Variants in RNPEP observed in about 807,000 individuals in gnomAD.
RNPEP encodes the protein aminopeptidase B.
A neutral mutation model predicts 70.1 loss-of-function variants in RNPEP; 57 were observed. The ratio of observed to expected loss-of-function variants is 0.81; its 90% CI spans 0.66 to 1.01. RNPEP has a LOEUF of 1.01. RNPEP is among the 50% of genes least tolerant of loss of function. The probability of loss-of-function intolerance (pLI) is 0.00; values close to 1 mark genes in which losing one functional copy is unlikely to be tolerated. For missense variants in RNPEP, 787 were observed against 852.4 expected (o/e 0.92, Z 0.96); for synonymous variants, 335 against 357.4 (o/e 0.94, Z 0.71).
At chr1:201,993,578 C>T (rs1683420695) in intron 3 of RNPEP, among the ~76,000 whole-genome samples, 1 of 144,134 alleles carries the variant, frequency 6.9e-6, no homozygotes, top group Non-Finnish European at 1.5e-5. Flanking sequence ...GCCTGGGTGA[C>T]AAAGTGAGAC....
At position 201,999,900 on chromosome 1, in the gene RNPEP, AG is replaced by A. The variant is rs767007606; in HGVS notation, c.1091del. 6.2e-7 allele frequency: 1 copy of A among 1,612,302 alleles called. No individual in the cohort carries two copies. The highest frequency in any genetic ancestry group is 1.1e-5 in the South Asian group (1 of 90,712). On this transcript the variant is annotated splice_acceptor_variant, in intron 5 of 10. Coordinates refer to ENST00000295640, the MANE Select transcript of RNPEP (RefSeq NM_020216.4). LOFTEE classifies it high-confidence loss of function. ...CGAGGCTTACGTTTGATTCTGCACC[AG>A]GCGCTGCGTACACCTGCTTGGAGGC...
In RNPEP at chr1:201,999,975, G is replaced by A; in HGVS notation, c.1164G>A (p.Glu388=). 6.2e-7 allele frequency: 1 copy of A among 1,614,006 alleles called. No individual in the cohort carries two copies. The highest frequency in any genetic ancestry group is 8.5e-7 in the Non-Finnish European group (1 of 1,179,946). ...LLRQHMDITG[E]ENPLNKLRVK... ...GTCAGCACATGGACATCACTGGAGA[G>A]GAAAACCCACTCAACAAGCTCCGCG... Residue 388 remains glutamate (E), a synonymous_variant, in exon 6 of 11, where the codon GAG becomes GAA. Transcript: ENST00000295640.
At chr1:201,984,229 G>T (rs1232054720) in intron 1 of RNPEP, among the ~76,000 whole-genome samples, 1 of 152,148 alleles carries the variant, frequency 6.6e-6, no homozygotes, top group African/African-American at 2.4e-5. Flanking sequence ...CACTGCGCCC[G>T]GCCCACAGCT....
chr1:202,001,850 T>C (rs1571646390), intron 8 of RNPEP, 83 bp downstream of exon 8: 2 of 950,866 alleles, frequency 2.1e-6, no homozygotes, highest in Non-Finnish European at 3.3e-6. Flanking sequence ...TGGTGGTGGA[T>C]GGGAAAACAC....
At chr1:201,988,117 G>A (rs1333883325) in intron 1 of RNPEP, among the ~76,000 whole-genome samples, 1 of 150,862 alleles carries the variant, frequency 6.6e-6, no homozygotes, top group Non-Finnish European at 1.5e-5. Flanking sequence ...TCCAGCCTGG[G>A]CGACAAGAGT....
chr1:201,987,725 A>C (rs1406416381), intron 1 of RNPEP, among the ~76,000 whole-genome samples: 1 of 150,892 alleles, frequency 6.6e-6, no homozygotes, highest in Admixed American at 6.6e-5. Flanking sequence ...GGCGTGAGCC[A>C]CTGCACCCAA....
intron 9 of RNPEP, 145 bp downstream of exon 9, chr1:202,003,606 A>G: frequency 4.7e-6 from 3 of 636,964 alleles, no homozygotes; most frequent in Non-Finnish European, 8.2e-6. Context: ...GGAATGTGCC[A>G]CCGGGAGGTT....
chr1:201,997,854 C>G (rs1227246665), intron 5 of RNPEP, among the ~76,000 whole-genome samples: 2 of 151,594 alleles, frequency 1.3e-5, no homozygotes, highest in African/African-American at 4.8e-5. Flanking sequence ...ACCTCCACCT[C>G]CCGGCTTCAA....
At chr1:201,997,766 G>GTTTTTTTT (rs10625357) in intron 5 of RNPEP, among the ~76,000 whole-genome samples, 1 of 139,174 alleles carries the variant, frequency 7.2e-6, no homozygotes, top group Non-Finnish European at 1.5e-5. Flanking sequence ...CAGGTCATTA[G>GTTTTTTTT]TTTTTTTTTT....
chr1:201,993,734 G>C (rs1028546518), intron 3 of RNPEP, among the ~76,000 whole-genome samples: 4 of 152,058 alleles, frequency 2.6e-5, no homozygotes, highest in Admixed American at 6.6e-5. Flanking sequence ...AGCCGAGATC[G>C]CGCCACTGCA....
intron 4 of RNPEP, 72 bp downstream of exon 4, chr1:201,996,335 G>A: frequency 9.1e-7 from 1 of 1,100,622 alleles, no homozygotes; most frequent in Non-Finnish European, 1.4e-6. Context: ...CTCTTCGTGT[G>A]GCTTTTCCAC....
Position 202,001,649 on chromosome 1 carries a change from C to T in RNPEP, c.1318-10C>T, listed in dbSNP as rs766564931. The T allele has an allele frequency of 1.8e-5, 29 of 1,602,680 alleles. No homozygotes were observed. Among genetic ancestry groups the T allele is most frequent in the Non-Finnish European group, 2.1e-5 (25 of 1,169,750 alleles). On this transcript the variant is annotated splice_polypyrimidine_tract_variant and intron_variant, in intron 7 of 10. Transcript: ENST00000295640. ...CCAGAGAGGGTCTAAAGAGCTTTCCCTCCTCACAGGCCTATGTGCATGAAT... is the reference window on the plus strand; with the variant it reads ...CCAGAGAGGGTCTAAAGAGCTTTCCTTCCTCACAGGCCTATGTGCATGAAT...
intron 6 of RNPEP, chr1:202,000,893 T>TAAA (rs35891956): frequency 0.11 from 14,206 of 134,098 alleles, 872 homozygotes; most frequent in East Asian, 0.16. Flanking sequence ...GACTCCGTCT[T>TAAA]AAAAAAAAAA....
At chr1:201,983,596 G>A in intron 1 of RNPEP, 2 of 1,285,446 alleles carry the variant, frequency 1.6e-6, no homozygotes, top group Non-Finnish European at 2.0e-6. Flanking sequence ...TCTTTGTTCT[G>A]TGTTGCCTTC....
rs1327996524 is a variant in RNPEP at position 202,005,583 on chromosome 1, T to G, written c.1820T>G (p.Leu607Arg). ...NQGKQKYTLP[L>R]YHAMMGGSEV... is the part of the protein sequence containing the mutation. ...GGGAAGCAGAAGTATACACTTCCGC[T>G]GTACCACGCAATGATGGGTGGCAGT... Residue 607 changes from leucine (L) to arginine (R), a missense_variant, in exon 11 of 11, where the codon CTG (leucine) becomes CGG (arginine). Leu to Arg is a moderately radical substitution (Grantham distance 102). Transcript: ENST00000295640. 5 of 1,614,098 alleles carry G rather than the reference T, an allele frequency of 3.1e-6. No individual in the cohort carries two copies. Among genetic ancestry groups the G allele is most frequent in the Non-Finnish European group, 4.2e-6 (5 of 1,180,042 alleles).
Position 201,983,070 on chromosome 1 carries a change from G to C in RNPEP, c.404G>C (p.Arg135Pro), listed in dbSNP as rs772809921. ...SFPQPCRAAE[R>P]LQVLLTYRVG... ...CCGCAGCCCTGCCGCGCCGCCGAGC[G>C]CCTCCAGGTGCTGCTCACCTACCGC... Residue 135 changes from arginine to proline, a missense_variant, in exon 1 of 11, where the codon CGC becomes CCC. Transcript: ENST00000295640. 14 of 1,521,540 alleles carry C rather than the reference G, an allele frequency of 9.2e-6. No homozygotes were observed. The African/African-American group carries it at 1.6e-4, about 17-fold the overall frequency. The allele number at this position is 1,521,540 out of a possible 1,614,324, so 94.3% of individuals were successfully genotyped here. A position where few individuals can be genotyped will look rare whatever the true frequency, so the allele number is the denominator to read the frequency against.
chr1:201,983,607 T>C lies in RNPEP; in HGVS notation c.447+494T>C. 2.4e-6 allele frequency: 3 copies of C among 1,273,150 alleles called. No homozygotes were observed. In the South Asian group the frequency reaches 4.0e-5, roughly 17 times the overall value. 78.9% of individuals were successfully genotyped at this position (1,273,150 alleles called of 1,614,324 possible). A position where few individuals can be genotyped will look rare whatever the true frequency, so the allele number is the denominator to read the frequency against. On this transcript the variant is annotated intron_variant, in intron 1 of 10. Transcript: ENST00000295640. Reference sequence around the variant, plus strand: ...TAGCTCTTTGTTCTGTGTTGCCTTCTAGTTCCACGGTTAAAGCTCTTATCT... The same window carrying C: ...TAGCTCTTTGTTCTGTGTTGCCTTCCAGTTCCACGGTTAAAGCTCTTATCT...
intron 1 of RNPEP, among the ~76,000 whole-genome samples, chr1:201,985,988 C>G (rs1018846385): frequency 6.6e-6 from 1 of 152,170 alleles, no homozygotes; most frequent in African/African-American, 2.4e-5. Context: ...CAGTGAGTGG[C>G]ACAATCATGG....
intron 3 of RNPEP, among the ~76,000 whole-genome samples, chr1:201,992,813 T>G (rs753385266): frequency 3.3e-5 from 5 of 152,210 alleles, no homozygotes; most frequent in Non-Finnish European, 4.4e-5. Flanking sequence ...CCACTACACC[T>G]TTCTCAATTC....
Sources: allele counts gnomAD v4.1 joint callset (sites outside exome capture counted in the v4.1 genomes callset), GRCh38; gene constraint gnomAD v4.1.1; transcripts MANE v1.5; gene names NCBI Gene and HGNC (gene_info 2026-07-23, HGNC 2026-07-21).